DLG2: variants seen among roughly 807,000 people sequenced by gnomAD.
DLG2 encodes discs large MAGUK scaffold protein 2.
In DLG2, 45 loss-of-function variants were observed where a neutral mutation model predicts 132.5. That is an observed-to-expected ratio of 0.34 (90% CI 0.27 to 0.44). The LOEUF is 0.44. DLG2 is among the 20% of genes least tolerant of loss of function. The probability of loss-of-function intolerance (pLI) is 1.00; values close to 1 mark genes in which losing one functional copy is unlikely to be tolerated. For missense variants in DLG2, 1,045 were observed against 1,196.9 expected, an observed-to-expected ratio of 0.87 and a Z score of 1.87; for synonymous variants, 424 against 419.6, an observed-to-expected ratio of 1.01 and a Z score of -0.13.
In DLG2 at chr11:84,760,691, C is replaced by A. The variant is rs576821281; in HGVS notation, c.358-225960G>T. 5.3e-4 allele frequency among the ~76,000 whole-genome samples: 81 copies of A among 152,220 alleles called. 1 individual carries two copies. The highest frequency in any genetic ancestry group is 3.7e-3 in the Admixed American group (57 of 15,290). On this transcript the variant is annotated intron_variant, in intron 6 of 27. Transcript: ENST00000376104. Reference sequence around the variant, plus strand: ...ATTATGAGTATTTGGGTTACAGGGACAATAACTTGTTTTTCTCTGCAGTCC... The same window carrying A: ...ATTATGAGTATTTGGGTTACAGGGAAAATAACTTGTTTTTCTCTGCAGTCC...
chr11:85,480,997 T>C (rs2093275233), intron 3 of DLG2, among the ~76,000 whole-genome samples: 1 of 152,232 alleles, frequency 6.6e-6, no homozygotes, highest in South Asian at 2.1e-4. Flanking sequence ...CCTCGCTGGC[T>C]GGGTGGGTTT....
chr11:84,365,167 T>C (rs961922767), intron 7 of DLG2, among the ~76,000 whole-genome samples: 114 of 152,314 alleles, frequency 7.5e-4, no homozygotes, highest in African/African-American at 2.5e-3. Flanking sequence ...TGGTAAGCTA[T>C]TGATTATTGC....
At chr11:85,293,968 A>G (rs542072812) in intron 3 of DLG2, among the ~76,000 whole-genome samples, 2 of 152,280 alleles carry the variant, frequency 1.3e-5, no homozygotes, top group African/African-American at 4.8e-5. Context: ...AAAGCTGGGC[A>G]TGGTGGCTAA....
intron 6 of DLG2, among the ~76,000 whole-genome samples, chr11:84,787,468 T>C (rs2073107621): frequency 6.6e-6 from 1 of 152,134 alleles, no homozygotes; most frequent in Admixed American, 6.5e-5. Flanking sequence ...ATAGCTCCAC[T>C]ACAAAGTTTT....
chr11:85,040,299 T>C (rs2061750542), intron 6 of DLG2, among the ~76,000 whole-genome samples: 1 of 151,946 alleles, frequency 6.6e-6, no homozygotes, highest in Non-Finnish European at 1.5e-5. Flanking sequence ...TCCAAACAAA[T>C]GCACATGACT....
chr11:84,038,815 G>C (rs922935765), intron 11 of DLG2, among the ~76,000 whole-genome samples: 1 of 152,054 alleles, frequency 6.6e-6, no homozygotes, highest in African/African-American at 2.4e-5. Context: ...CATGGCAGAA[G>C]AGGAAGCAAA....
At chr11:84,753,337 C>T (rs543391506) in intron 6 of DLG2, among the ~76,000 whole-genome samples, 1 of 152,174 alleles carries the variant, frequency 6.6e-6, no homozygotes, top group South Asian at 2.1e-4. Context: ...GGAAACAAAT[C>T]CCATAGTGTA....
chr11:84,384,508 A>G (rs1200148416), intron 7 of DLG2, among the ~76,000 whole-genome samples: 2 of 152,040 alleles, frequency 1.3e-5, no homozygotes, highest in Non-Finnish European at 2.9e-5. Flanking sequence ...AGTCCCTCCT[A>G]TTAGAATGAT....
chr11:85,146,998 A>T (rs1322121906), intron 5 of DLG2, among the ~76,000 whole-genome samples: 1 of 152,280 alleles, frequency 6.6e-6, no homozygotes, highest in African/African-American at 2.4e-5. Context: ...CTGCTGTGAG[A>T]GGGCAGAATT....
At chr11:84,850,853 G>A (rs78577335) in intron 6 of DLG2, among the ~76,000 whole-genome samples, 2 of 151,944 alleles carry the variant, frequency 1.3e-5, no homozygotes, top group African/African-American at 2.4e-5. Flanking sequence ...TAAAAGACTT[G>A]TATACCAAAA....
intron 10 of DLG2, among the ~76,000 whole-genome samples, chr11:84,092,060 A>G (rs2097101553): frequency 6.6e-6 from 1 of 152,218 alleles, no homozygotes; most frequent in Non-Finnish European, 1.5e-5. Flanking sequence ...AATCAGGATA[A>G]TCTCCATTTT....
At chr11:83,765,538 C>G (rs2094107196) in intron 18 of DLG2, among the ~76,000 whole-genome samples, 1 of 152,200 alleles carries the variant, frequency 6.6e-6, no homozygotes. Context: ...ACAAAAGTGT[C>G]CATTTGTACA....
At chr11:84,582,205 G>A (rs981289594) in intron 6 of DLG2, among the ~76,000 whole-genome samples, 1 of 151,416 alleles carries the variant, frequency 6.6e-6, no homozygotes, top group Non-Finnish European at 1.5e-5. Context: ...GAGTAGAAAG[G>A]CAAGGTAATA....
intron 6 of DLG2, among the ~76,000 whole-genome samples, chr11:85,050,453 C>G (rs1283876124): frequency 4.6e-5 from 7 of 152,066 alleles, no homozygotes; most frequent in Non-Finnish European, 2.9e-5. Flanking sequence ...GAAAATATCA[C>G]CTCCAGCTTG....
At chr11:85,136,767 A>G (rs1392074491) in intron 5 of DLG2, among the ~76,000 whole-genome samples, 1 of 152,192 alleles carries the variant, frequency 6.6e-6, no homozygotes, top group Non-Finnish European at 1.5e-5. Flanking sequence ...TTAGAAGTGA[A>G]GTCCAGTCAG....
At chr11:85,583,128 G>GTATATATATA (rs1288807092) in intron 3 of DLG2, among the ~76,000 whole-genome samples, 15 of 27,422 alleles carry the variant, frequency 5.5e-4, no homozygotes, top group Admixed American at 9.4e-4. Context: ...GTGTGTGTGT[G>GTATATATATA]TGTATATATA....
chr11:84,551,382 A>T (rs2099401546), intron 6 of DLG2, among the ~76,000 whole-genome samples: 1 of 152,152 alleles, frequency 6.6e-6, no homozygotes, highest in Non-Finnish European at 1.5e-5. Flanking sequence ...CTATACTCTT[A>T]AGATGTAAGC....
At chr11:84,469,620 G>A (rs1431714296) in intron 7 of DLG2, among the ~76,000 whole-genome samples, 1 of 151,546 alleles carries the variant, frequency 6.6e-6, no homozygotes, top group East Asian at 1.9e-4. Context: ...ACTTCTGCTA[G>A]ATTGCTGTAG....
chr11:84,298,336 G>C (rs1331531679), intron 7 of DLG2, among the ~76,000 whole-genome samples: 1 of 152,150 alleles, frequency 6.6e-6, no homozygotes, highest in East Asian at 1.9e-4. Flanking sequence ...GTCTGAGTCA[G>C]TTTCTTGGCC....
Sources: allele counts gnomAD v4.1 joint callset (sites outside exome capture counted in the v4.1 genomes callset), GRCh38; gene constraint gnomAD v4.1.1; transcripts MANE v1.5; gene names NCBI Gene and HGNC (gene_info 2026-07-23, HGNC 2026-07-21).